AGO1: variants seen among roughly 807,000 people sequenced by gnomAD.
AGO1 encodes argonaute RISC component 1.
In AGO1, 11 loss-of-function variants were observed where a neutral mutation model predicts 109.2. That is an observed-to-expected ratio of 0.10 (90% CI 0.06 to 0.17). AGO1 has a LOEUF of 0.17. Among genes scored for constraint, AGO1 ranks in the 10% least tolerant of loss-of-function variants. The pLI, the probability that AGO1 is intolerant of heterozygous loss-of-function variation, is 1.00. For synonymous variants in AGO1, 422 were observed against 418.6 expected (o/e 1.01, Z -0.10); for missense variants, 574 against 1,140.3 (o/e 0.50, Z 7.15).
At chr1:35,894,271 T>C (rs763914406) in intron 6 of AGO1, 44 bp from the exon 7 acceptor site, 10 of 1,610,942 alleles carry the variant, frequency 6.2e-6, no homozygotes, top group Non-Finnish European at 8.5e-6. Flanking sequence ...CCTGGGCACA[T>C]GAGCAACCTA....
upstream of AGO1, among the ~76,000 whole-genome samples, chr1:35,878,292 A>G (rs1164713901): frequency 1.3e-5 from 2 of 151,454 alleles, no homozygotes; most frequent in Admixed American, 1.3e-4. Flanking sequence ...TCAACTTGTT[A>G]GCCAGGACAG....
Position 35,919,094 on chromosome 1 carries a change from G to A in AGO1, c.2305G>A (p.Asp769Asn), listed in dbSNP as rs1400980541. ...RPSHYYVLWD[D>N]NRFTADELQI... ...ATCCCATTACTATGTTCTTTGGGAT[G>A]ACAACCGTTTCACAGCAGATGAGCT... Residue 769 changes from aspartate to asparagine, a missense_variant, in exon 18 of 19, where the codon GAC becomes AAC. By Grantham distance (23) the Asp-to-Asn change is conservative. Coordinates refer to ENST00000373204, the MANE Select transcript of AGO1 (RefSeq NM_012199.5). The surrounding 1 kb of genome is among the most constrained non-coding windows in gnomAD (Gnocchi z 6.6). 6.2e-7 allele frequency: 1 copy of A among 1,614,126 alleles called. No homozygotes were observed. The highest frequency in any genetic ancestry group is 8.5e-7 in the Non-Finnish European group (1 of 1,180,028).
chr1:35,896,241 T>C lies in AGO1; in HGVS notation c.1020+972T>C, dbSNP rs551972316. ...CTCGAACTCCTGACCTCAGGTGATC[T>C]GCCCACCTTGGCCTCCCAAAGTGCT... is the stretch of plus-strand genomic sequence containing the variant. On this transcript the variant is annotated intron_variant, in intron 8 of 18. Coordinates refer to ENST00000373204, the MANE Select transcript of AGO1 (RefSeq NM_012199.5). Among the ~76,000 whole-genome samples, 196 of 152,292 alleles carry C rather than the reference T, an allele frequency of 1.3e-3. 1 individual carries two copies. Among genetic ancestry groups the C allele is most frequent in the African/African-American group, 4.6e-3 (190 of 41,570 alleles).
chr1:35,898,566 T>C (rs1166491108), intron 8 of AGO1, among the ~76,000 whole-genome samples: 1 of 152,184 alleles, frequency 6.6e-6, no homozygotes, highest in African/African-American at 2.4e-5. Flanking sequence ...ATGTTTAACA[T>C]CGTGATGAGC....
chr1:35,891,591 G>A (rs1420504405), intron 2 of AGO1, among the ~76,000 whole-genome samples: 2 of 151,534 alleles, frequency 1.3e-5, no homozygotes, highest in Admixed American at 1.3e-4. Context: ...TTGAGACGGA[G>A]TCTCACTTTA....
chr1:35,916,941 G>C lies in AGO1; in HGVS notation c.2029-652G>C, dbSNP rs376925211. On this transcript the variant is annotated intron_variant, in intron 15 of 18. Transcript: ENST00000373204. Reference sequence around the variant, plus strand: ...GAGACTTAGTGGAGTTGAATAACTTGCCTGATGTAATACAACTAGATAAAG... The same window carrying C: ...GAGACTTAGTGGAGTTGAATAACTTCCCTGATGTAATACAACTAGATAAAG... Among the ~76,000 whole-genome samples the C allele has an allele frequency of 9.2e-5, 14 of 152,276 alleles. No homozygotes were observed. The East Asian group carries it at 1.5e-3, about 17-fold the overall frequency.
intron 8 of AGO1, among the ~76,000 whole-genome samples, chr1:35,899,915 T>A (rs1340100221): frequency 6.6e-6 from 1 of 152,172 alleles, no homozygotes; most frequent in Non-Finnish European, 1.5e-5. Flanking sequence ...TAAGGTAACA[T>A]CACCTAGAAA....
intron 12 of AGO1, among the ~76,000 whole-genome samples, chr1:35,909,098 A>T (rs1003310602): frequency 2.6e-5 from 4 of 152,164 alleles, no homozygotes; most frequent in Non-Finnish European, 5.9e-5. Context: ...GATTACAGGC[A>T]TGAGCCACTG....
At position 35,883,472 on chromosome 1, in the gene AGO1, G is replaced by A. The variant is rs749370018; in HGVS notation, c.25+26G>A. On this transcript the variant is annotated intron_variant, in intron 1 of 18. Coordinates refer to ENST00000373204, the MANE Select transcript of AGO1 (RefSeq NM_012199.5). This position sits in a 1 kb window ranked among gnomAD's most constrained non-coding sequence, Gnocchi z 5.4. The stretch of plus-strand genomic sequence containing the variant: ...GTAAGGGTCCCCAGGAGGGGGAACG[G>A]TGCATGCTCCAAGGACTGGGGGATC... 6 of 1,546,178 alleles carry A rather than the reference G, an allele frequency of 3.9e-6. No homozygotes were observed. In the Admixed American group the frequency reaches 1.3e-4, roughly 34 times the overall value.
upstream of AGO1, among the ~76,000 whole-genome samples, chr1:35,881,061 G>A (rs1405982277): frequency 3.3e-5 from 5 of 152,170 alleles, no homozygotes; most frequent in African/African-American, 4.8e-5. Context: ...ATTGAGACAC[G>A]GAGAAGTTAA....
chr1:35,913,899 T>C lies in AGO1; in HGVS notation c.1640T>C (p.Val547Ala), dbSNP rs1265127399. ...LLGMATQCVQ[V>A]KNVVKTSPQT... ...GGAATGGCTACGCAGTGTGTGCAGG[T>C]GAAGAACGTGGTCAAGACCTCACCT... is the stretch of plus-strand genomic sequence containing the variant. Residue 547 changes from valine to alanine, a missense_variant, in exon 13 of 19, where the codon GTG becomes GCG. By Grantham distance (64) the Val-to-Ala change is moderately conservative. Around this residue, in one of 8 missense-constraint regions of AGO1, gnomAD observed 68 missense variants for 200.2 expected, o/e 0.34. Transcript: ENST00000373204. The C allele has an allele frequency of 6.2e-7, 1 of 1,613,894 alleles. No individual in the cohort carries two copies. The highest frequency in any genetic ancestry group is 8.5e-7 in the Non-Finnish European group (1 of 1,179,998).
intron 1 of AGO1, among the ~76,000 whole-genome samples, chr1:35,870,927 CAG>C (rs1644944503): frequency 1.3e-5 from 2 of 152,264 alleles, no homozygotes; most frequent in South Asian, 4.1e-4. Flanking sequence ...TGTTGTCACT[CAG>C]TATCATGTTT....
chr1:35,881,202 G>A (rs1184652172), upstream of AGO1, among the ~76,000 whole-genome samples: 1 of 152,114 alleles, frequency 6.6e-6, no homozygotes, highest in Non-Finnish European at 1.5e-5. Flanking sequence ...TCCCCAGATC[G>A]GCAGCATCAT....
chr1:35,883,154 C>T, upstream of AGO1: 6 of 1,128,976 alleles, frequency 5.3e-6, no homozygotes, highest in South Asian at 8.7e-5. This position sits in a 1 kb window ranked among gnomAD's most constrained non-coding sequence, Gnocchi z 5.4. Flanking sequence ...GCCGTCGGAG[C>T]GCCCCGCTTG....
At position 35,901,326 on chromosome 1, in the gene AGO1, C is replaced by G; in HGVS notation, c.1021-148C>G. 1 of 940,214 alleles carries G rather than the reference C, an allele frequency of 1.1e-6. No individual in the cohort carries two copies. Among genetic ancestry groups the G allele is most frequent in the Non-Finnish European group, 1.6e-6 (1 of 618,924 alleles). 58.2% of individuals were successfully genotyped at this position (940,214 alleles called of 1,614,324 possible). A position where few individuals can be genotyped will look rare whatever the true frequency, so the allele number is the denominator to read the frequency against. Reference sequence around the variant, plus strand: ...TTTCTAATTTACCTATCAAATGATACTCAGGAGGAGAATACATGTATGCAC... The same window carrying G: ...TTTCTAATTTACCTATCAAATGATAGTCAGGAGGAGAATACATGTATGCAC... On this transcript the variant is annotated intron_variant, in intron 8 of 18. Coordinates refer to ENST00000373204, the MANE Select transcript of AGO1 (RefSeq NM_012199.5). This position sits in a 1 kb window ranked among gnomAD's most constrained non-coding sequence, Gnocchi z 4.8.
At chr1:35,899,843 AT>A (rs571942039) in intron 8 of AGO1, among the ~76,000 whole-genome samples, 3 of 151,412 alleles carry the variant, frequency 2.0e-5, no homozygotes, top group East Asian at 1.9e-4. Context: ...CAGCTAGTGT[AT>A]TTTTTTTTCT....
At position 35,917,747 on chromosome 1, in the gene AGO1, C is replaced by G; in HGVS notation, c.2163+20C>G. ...GAGCGAGTGAGTGAGGGACTGAGGC[C>G]TCCCATCCCCTCCTTCTGTCTCCCT... On this transcript the variant is annotated intron_variant, in intron 16 of 18. Coordinates refer to ENST00000373204, the MANE Select transcript of AGO1 (RefSeq NM_012199.5). 6.2e-7 allele frequency: 1 copy of G among 1,606,196 alleles called. No individual in the cohort carries two copies. The highest frequency in any genetic ancestry group is 8.5e-7 in the Non-Finnish European group (1 of 1,174,260).
At chr1:35,894,437 G>C in intron 7 of AGO1, 35 bp downstream of exon 7, 1 of 1,599,608 alleles carries the variant, frequency 6.3e-7, no homozygotes, top group East Asian at 2.2e-5. Context: ...ATACTTTGTT[G>C]GTGGAGAAGG....
chr1:35,917,176 T>G (rs966504271), intron 15 of AGO1, among the ~76,000 whole-genome samples: 3 of 152,214 alleles, frequency 2.0e-5, no homozygotes, highest in Admixed American at 2.0e-4. Context: ...GAACTATATG[T>G]CTGCTCTTCT....
Sources: allele counts gnomAD v4.1 joint callset (sites outside exome capture counted in the v4.1 genomes callset), GRCh38; gene constraint gnomAD v4.1.1; regional missense constraint gnomAD v4.1.1; non-coding constraint Gnocchi (gnomAD v3.1); transcripts MANE v1.5; gene names NCBI Gene and HGNC (gene_info 2026-07-23, HGNC 2026-07-21).